PRLR: variants seen among roughly 807,000 people sequenced by gnomAD.
The protein encoded by PRLR is hPRL receptor.
PRLR carries 13 observed loss-of-function variants against 40.2 expected under a neutral mutation model. The ratio of observed to expected loss-of-function variants is 0.32; its 90% CI spans 0.21 to 0.51. The LOEUF is 0.51. PRLR is among the 20% of genes least tolerant of loss of function. The pLI is 0.97. For synonymous variants in PRLR, 269 were observed against 278.7 expected (o/e 0.97, Z 0.35); for missense variants, 656 against 747.3 (o/e 0.88, Z 1.42).
At chr5:35,114,932 A>G (rs1772919568) in intron 2 of PRLR, among the ~76,000 whole-genome samples, 1 of 152,074 alleles carries the variant, frequency 6.6e-6, no homozygotes, top group African/African-American at 2.4e-5. Flanking sequence ...ACTCTTCTCT[A>G]TCCCTGCCCA....
chr5:35,108,689 CA>C (rs1490686248), intron 2 of PRLR, among the ~76,000 whole-genome samples: 1 of 152,174 alleles, frequency 6.6e-6, no homozygotes. Flanking sequence ...AGGAGAACTA[CA>C]AACCACTGCT....
chr5:35,084,767 A>G lies in PRLR; in HGVS notation c.204-128T>C, dbSNP rs1277500763. On this transcript the variant is annotated intron_variant, in intron 4 of 9. Coordinates refer to ENST00000618457, the MANE Select transcript of PRLR (RefSeq NM_000949.7). ...CAAGCGCAAAACCCAGAGCTGACAAATGGTTCCTTAGGCTTCCATGTTCTG... is the reference window on the plus strand; with the variant it reads ...CAAGCGCAAAACCCAGAGCTGACAAGTGGTTCCTTAGGCTTCCATGTTCTG... 4.9e-6 allele frequency: 4 copies of G among 822,162 alleles called. No homozygotes were observed. The African/African-American group carries it at 5.4e-5, about 11-fold the overall frequency. 50.9% of individuals were successfully genotyped at this position (822,162 alleles called of 1,614,324 possible).
intron 1 of PRLR, among the ~76,000 whole-genome samples, chr5:35,182,689 G>C (rs1775325130): frequency 6.6e-6 from 1 of 152,176 alleles, no homozygotes; most frequent in Non-Finnish European, 1.5e-5. Context: ...GATCTCAAGG[G>C]CTGAAAAGTG....
chr5:35,191,110 G>A lies in PRLR; in HGVS notation c.-106+39158C>T, dbSNP rs868344991. Among the ~76,000 whole-genome samples, 726 of 106,398 alleles carry A rather than the reference G, an allele frequency of 6.8e-3. 64 individuals carry two copies. Among genetic ancestry groups the A allele is most frequent in the African/African-American group, 0.026 (702 of 27,466 alleles). 69.8% of individuals were successfully genotyped at this position (106,398 alleles called of 152,430 possible). A position where few individuals can be genotyped will look rare whatever the true frequency, so the allele number is the denominator to read the frequency against. ...TTTTGAGACGGAGTCTCGCTCTGTC[G>A]CCCAGGCTGGAGTGCAGTGGCGCAA... On this transcript the variant is annotated intron_variant, in intron 1 of 9. Coordinates refer to ENST00000618457, the MANE Select transcript of PRLR (RefSeq NM_000949.7).
At chr5:35,135,730 G>A (rs1773836268) in intron 1 of PRLR, among the ~76,000 whole-genome samples, 2 of 152,058 alleles carry the variant, frequency 1.3e-5, no homozygotes, top group Admixed American at 1.3e-4. Context: ...TTTGTTAGAC[G>A]CGGCAATCAC....
chr5:35,154,749 T>C (rs548107204), intron 1 of PRLR, among the ~76,000 whole-genome samples: 101 of 152,232 alleles, frequency 6.6e-4, no homozygotes, highest in Non-Finnish European at 1.1e-3. Context: ...CAAATGCCCA[T>C]TAATAATAGA....
intron 8 of PRLR, among the ~76,000 whole-genome samples, chr5:35,050,510 T>G (rs780680560): frequency 1.1e-4 from 16 of 152,244 alleles, no homozygotes; most frequent in Admixed American, 2.6e-4. Context: ...TATCTCAGTT[T>G]GCACAAATGG....
intron 1 of PRLR, among the ~76,000 whole-genome samples, chr5:35,137,177 G>A (rs561005073): frequency 1.3e-5 from 2 of 152,188 alleles, no homozygotes; most frequent in African/African-American, 2.4e-5. Flanking sequence ...TAGACATTAC[G>A]ATCCTCATTC....
At chr5:35,066,212 A>G in intron 9 of PRLR, 110 bp from the exon 10 acceptor site, 1 of 1,096,934 alleles carries the variant, frequency 9.1e-7, no homozygotes, top group Admixed American at 2.7e-5. Flanking sequence ...GGAAGATCTC[A>G]AACTTCAGAC....
At chr5:35,155,274 T>A (rs1157328450) in intron 1 of PRLR, among the ~76,000 whole-genome samples, 4 of 152,216 alleles carry the variant, frequency 2.6e-5, no homozygotes, top group African/African-American at 9.6e-5. Flanking sequence ...CAGTGATAGA[T>A]CTACACTCTC....
intron 2 of PRLR, among the ~76,000 whole-genome samples, chr5:35,091,765 A>G (rs1017465195): frequency 3.9e-5 from 6 of 152,180 alleles, no homozygotes; most frequent in African/African-American, 1.4e-4. Flanking sequence ...AATACTGTTG[A>G]TCTCATGAAT....
chr5:35,122,124 C>T (rs1773312412), intron 1 of PRLR, among the ~76,000 whole-genome samples: 1 of 152,114 alleles, frequency 6.6e-6, no homozygotes, highest in Non-Finnish European at 1.5e-5. Flanking sequence ...AGATATCATC[C>T]TAATTGATGA....
intron 1 of PRLR, among the ~76,000 whole-genome samples, chr5:35,226,954 C>T (rs540140801): frequency 5.1e-4 from 77 of 152,310 alleles, no homozygotes; most frequent in African/African-American, 1.7e-3. Flanking sequence ...AAAACGTGCT[C>T]AGCACAGGGA....
intron 1 of PRLR, among the ~76,000 whole-genome samples, chr5:35,160,803 G>A (rs191579668): frequency 5.8e-4 from 89 of 152,214 alleles, no homozygotes; most frequent in African/African-American, 1.8e-3. Context: ...GACCCCTTAC[G>A]ATTTCTTCTC....
At chr5:35,172,981 AT>A (rs898778564) in intron 1 of PRLR, among the ~76,000 whole-genome samples, 1 of 151,950 alleles carries the variant, frequency 6.6e-6, no homozygotes, top group African/African-American at 2.4e-5. Context: ...TTGGGTTTAG[AT>A]TTTTTTCTTT....
At chr5:35,088,442 G>A (rs1046949449) in intron 3 of PRLR, among the ~76,000 whole-genome samples, 1 of 152,114 alleles carries the variant, frequency 6.6e-6, no homozygotes, top group East Asian at 1.9e-4. Context: ...GAGCACACTC[G>A]GAAGCCAATT....
intron 2 of PRLR, among the ~76,000 whole-genome samples, chr5:35,113,259 A>G (rs1772785645): frequency 7.0e-6 from 1 of 142,672 alleles, no homozygotes; most frequent in Admixed American, 7.2e-5. Context: ...CCACCCATTT[A>G]TCCACCCACC....
intron 1 of PRLR, chr5:35,152,951 A>T (rs1308640422): frequency 6.6e-6 from 1 of 152,218 alleles, no homozygotes; most frequent in Non-Finnish European, 1.5e-5. Context: ...GCTGGCAGGC[A>T]TGGGACTTGG....
At chr5:35,154,802 T>C (rs1774439197) in intron 1 of PRLR, among the ~76,000 whole-genome samples, 2 of 152,176 alleles carry the variant, frequency 1.3e-5, no homozygotes, top group South Asian at 2.1e-4. Flanking sequence ...TGGAATACTA[T>C]GCAGCCATAA....
Sources: allele counts gnomAD v4.1 joint callset (sites outside exome capture counted in the v4.1 genomes callset), GRCh38; gene constraint gnomAD v4.1.1; transcripts MANE v1.5; gene names NCBI Gene and HGNC (gene_info 2026-07-23, HGNC 2026-07-21).